Variants in CDKAL1 observed in about 807,000 individuals in gnomAD.
CDKAL1 encodes the protein CDKAL1 threonylcarbamoyladenosine tRNA methylthiotransferase.
Under a neutral mutation model 68.2 loss-of-function variants are expected in CDKAL1, and 32 were observed. The ratio of observed to expected loss-of-function variants is 0.47; its 90% CI spans 0.35 to 0.63. The LOEUF is 0.63. CDKAL1 is among the 30% of genes least tolerant of loss of function. CDKAL1 has a pLI of 0.00. For synonymous variants in CDKAL1, 234 were observed against 244.3 expected (o/e 0.96, Z 0.39); for missense variants, 606 against 696.7 (o/e 0.87, Z 1.47).
At chr6:20,645,100 CCTGT>C (rs1181653830) in intron 4 of CDKAL1, among the ~76,000 whole-genome samples, 1 of 152,054 alleles carries the variant, frequency 6.6e-6, no homozygotes. Flanking sequence ...AAATGGTGCA[CCTGT>C]CTAAGACACT....
intron 11 of CDKAL1, among the ~76,000 whole-genome samples, chr6:21,033,518 G>T (rs1051759776): frequency 2.0e-5 from 3 of 152,118 alleles, no homozygotes; most frequent in African/African-American, 7.2e-5. Flanking sequence ...GCTTTAAGGG[G>T]ACCTGGAGAG....
chr6:20,708,534 C>G (rs369343528), intron 5 of CDKAL1, among the ~76,000 whole-genome samples: 19 of 152,070 alleles, frequency 1.2e-4, no homozygotes, highest in African/African-American at 4.3e-4. Context: ...GACTCTATGA[C>G]GTGGGCTGGG....
chr6:20,613,161 A>T (rs1053385423), intron 4 of CDKAL1, among the ~76,000 whole-genome samples: 2 of 148,560 alleles, frequency 1.3e-5, no homozygotes, highest in Non-Finnish European at 3.0e-5. Context: ...CATGATTTTC[A>T]TTTAACTATT....
intron 5 of CDKAL1, among the ~76,000 whole-genome samples, chr6:20,738,400 CAT>C (rs1773292165): frequency 6.6e-6 from 1 of 151,402 alleles, no homozygotes; most frequent in African/African-American, 2.4e-5. Context: ...CACATCAAAA[CAT>C]ATTGCTAGCA....
chr6:20,693,543 A>G (rs1412194308), intron 5 of CDKAL1, among the ~76,000 whole-genome samples: 20 of 152,114 alleles, frequency 1.3e-4, no homozygotes, highest in Admixed American at 1.2e-3. Context: ...CTATTTCCAG[A>G]TAGATATGTT....
chr6:21,197,170 T>A (rs59984723), intron 13 of CDKAL1, among the ~76,000 whole-genome samples: 42,571 of 146,668 alleles, frequency 0.29, 6,211 homozygotes, highest in Non-Finnish European at 0.32. Flanking sequence ...AAAAAAAAAA[T>A]AATAATAATA....
intron 9 of CDKAL1, among the ~76,000 whole-genome samples, chr6:20,872,813 T>C (rs1760293987): frequency 6.6e-6 from 1 of 152,154 alleles, no homozygotes; most frequent in South Asian, 2.1e-4. Flanking sequence ...TCTTAAACTT[T>C]GGCAGTGGTT....
At chr6:20,890,528 A>G (rs900635463) in intron 9 of CDKAL1, among the ~76,000 whole-genome samples, 1 of 152,242 alleles carries the variant, frequency 6.6e-6, no homozygotes, top group Non-Finnish European at 1.5e-5. Context: ...ACTGATGGCT[A>G]TTGTAATTTT....
At chr6:20,949,593 T>A (rs1183260057) in intron 9 of CDKAL1, among the ~76,000 whole-genome samples, 5 of 152,212 alleles carry the variant, frequency 3.3e-5, no homozygotes, top group Non-Finnish European at 5.9e-5. Flanking sequence ...ATTGAGGCCC[T>A]GCTGTTTGCT....
intron 10 of CDKAL1, among the ~76,000 whole-genome samples, chr6:20,988,102 C>T (rs1435722122): frequency 1.3e-5 from 2 of 151,766 alleles, no homozygotes; most frequent in African/African-American, 2.4e-5. Flanking sequence ...TCATTTTAAA[C>T]ATCTCTAAAC....
chr6:21,156,053 CTGAAAA>C (rs2151056338), intron 13 of CDKAL1, among the ~76,000 whole-genome samples: 1 of 152,140 alleles, frequency 6.6e-6, no homozygotes, highest in South Asian at 2.1e-4. Flanking sequence ...ATTTCAAAAA[CTGAAAA>C]TGTATTACGA....
intron 11 of CDKAL1, among the ~76,000 whole-genome samples, chr6:21,023,073 G>T (rs1768766783): frequency 6.6e-6 from 1 of 151,752 alleles, no homozygotes; most frequent in Non-Finnish European, 1.5e-5. Flanking sequence ...AACATTAGCA[G>T]TTTGCTTAAT....
intron 9 of CDKAL1, among the ~76,000 whole-genome samples, chr6:20,861,070 G>A (rs958971588): frequency 5.3e-5 from 8 of 151,948 alleles, no homozygotes; most frequent in South Asian, 2.1e-4. Flanking sequence ...TTCAGTGATG[G>A]GGGTAGGAGT....
chr6:20,758,655 A>G lies in CDKAL1; in HGVS notation c.517+12A>G. ...GGAGACAATTAAAGGTAATCGTTGA[A>G]AGTGAGATAAACAGATGTATATATT... On this transcript the variant is annotated intron_variant, in intron 7 of 15. Coordinates refer to ENST00000274695, the MANE Select transcript of CDKAL1 (RefSeq NM_017774.3). 6.2e-7 allele frequency: 1 copy of G among 1,601,014 alleles called. No individual in the cohort carries two copies. The highest frequency in any genetic ancestry group is 8.5e-7 in the Non-Finnish European group (1 of 1,170,276).
At chr6:20,649,857 C>T (rs1469821580) in intron 5 of CDKAL1, among the ~76,000 whole-genome samples, 5 of 152,136 alleles carry the variant, frequency 3.3e-5, no homozygotes, top group South Asian at 2.1e-4. Flanking sequence ...GTGCGGATGA[C>T]GGCTTCCAGC....
intron 4 of CDKAL1, among the ~76,000 whole-genome samples, chr6:20,583,620 T>C (rs963969911): frequency 1.3e-5 from 2 of 152,000 alleles, no homozygotes; most frequent in Non-Finnish European, 2.9e-5. Flanking sequence ...GTGAGAGAAC[T>C]ATTTTTTTTT....
At chr6:20,961,662 G>C (rs1765063642) in intron 10 of CDKAL1, among the ~76,000 whole-genome samples, 1 of 151,864 alleles carries the variant, frequency 6.6e-6, no homozygotes, top group African/African-American at 2.4e-5. Context: ...AGCTACTCTG[G>C]AGGCTGAGGC....
intron 5 of CDKAL1, among the ~76,000 whole-genome samples, chr6:20,685,828 A>T (rs1018857871): frequency 6.6e-6 from 1 of 152,130 alleles, no homozygotes; most frequent in African/African-American, 2.4e-5. Flanking sequence ...AGTTCAAGTG[A>T]TCCTCTCACC....
intron 4 of CDKAL1, among the ~76,000 whole-genome samples, chr6:20,608,087 A>G (rs1766412592): frequency 6.6e-6 from 1 of 152,342 alleles, no homozygotes; most frequent in African/African-American, 2.4e-5. Context: ...TATGCATAGT[A>G]AACTCTAAAG....
Sources: gnomAD v4.1 joint callset for allele counts (sites outside exome capture counted in the v4.1 genomes callset) on GRCh38, gnomAD v4.1.1 for gene constraint, MANE v1.5 for transcripts, NCBI Gene and HGNC (gene_info 2026-07-23, HGNC 2026-07-21) for gene names.